NCKAP5: variants seen among roughly 807,000 people sequenced by gnomAD.
NCKAP5 encodes NCK associated protein 5.
In NCKAP5, 92 loss-of-function variants were observed where a neutral mutation model predicts 167.0. The observed-to-expected ratio is 0.55, with a 90% confidence interval of 0.47 to 0.66. The LOEUF (loss-of-function observed/expected upper bound fraction) is 0.66. NCKAP5 is among the 30% of genes least tolerant of loss of function. The probability of loss-of-function intolerance (pLI) is 0.00; values close to 1 mark genes in which losing one functional copy is unlikely to be tolerated. For missense variants in NCKAP5, 2,378 were observed against 2,315.0 expected (o/e 1.03, Z -0.56); for synonymous variants, 891 against 877.4 (o/e 1.02, Z -0.27).
chr2:133,636,584 A>G, the NCKAP5 span, among the ~76,000 whole-genome samples: 1 of 152,236 alleles, frequency 6.6e-6, no homozygotes, highest in Non-Finnish European at 1.5e-5. Context: ...TTCCAACATT[A>G]TAACTGATAA....
At chr2:132,717,069 T>C (rs1382281547) in intron 19 of NCKAP5, among the ~76,000 whole-genome samples, 2 of 152,144 alleles carry the variant, frequency 1.3e-5, no homozygotes, top group Admixed American at 1.3e-4. Flanking sequence ...GGATGAATAG[T>C]GACTAAGAGA....
intron 7 of NCKAP5, among the ~76,000 whole-genome samples, chr2:132,968,702 A>G (rs1377568260): frequency 1.3e-5 from 2 of 152,220 alleles, no homozygotes; most frequent in African/African-American, 4.8e-5. Flanking sequence ...GTTTGACTAA[A>G]GTGTGACAAT....
intron 3 of NCKAP5, among the ~76,000 whole-genome samples, chr2:133,334,404 A>C (rs1306033241): frequency 1.3e-5 from 2 of 152,154 alleles, no homozygotes; most frequent in East Asian, 3.8e-4. Flanking sequence ...TAGCTCGGGC[A>C]CTTTTATGTT....
chr2:133,035,731 G>GA (rs973708057), intron 6 of NCKAP5, among the ~76,000 whole-genome samples: 21 of 150,054 alleles, frequency 1.4e-4, no homozygotes, highest in Non-Finnish European at 2.8e-4. Context: ...TGTCTAAAAA[G>GA]AAAAAAAACT....
chr2:133,399,418 A>G (rs1687962330), intron 3 of NCKAP5, among the ~76,000 whole-genome samples: 1 of 152,044 alleles, frequency 6.6e-6, no homozygotes, highest in Non-Finnish European at 1.5e-5. Context: ...AACAGCTGTC[A>G]TTATAAAGTT....
intron 3 of NCKAP5, among the ~76,000 whole-genome samples, chr2:133,452,540 T>A (rs543166390): frequency 1.3e-5 from 2 of 152,330 alleles, no homozygotes; most frequent in East Asian, 3.9e-4. Flanking sequence ...GTGGCATAGA[T>A]GTAGGAAGGA....
rs920091 is a variant in NCKAP5 at position 133,362,034 on chromosome 2, A to G, written c.70-58924T>C. ...AATGAAAAAAAAAACAGTGTAAAAA[A>G]GTCTAGAGTATGCTGTGGCTTACAA... On this transcript the variant is annotated intron_variant, in intron 3 of 19. Transcript: ENST00000409261. Among the ~76,000 whole-genome samples the G allele has an allele frequency of 7.2e-5, 11 of 152,280 alleles. No individual in the cohort carries two copies. The East Asian group carries it at 1.5e-3, about 21-fold the overall frequency.
At chr2:133,543,240 G>A (rs1195415003) in intron 2 of NCKAP5, among the ~76,000 whole-genome samples, 1 of 152,040 alleles carries the variant, frequency 6.6e-6, no homozygotes, top group African/African-American at 2.4e-5. Flanking sequence ...CTCGCCATGT[G>A]ATATACCGGC....
the NCKAP5 span, among the ~76,000 whole-genome samples, chr2:133,580,170 G>A: frequency 6.6e-6 from 1 of 152,164 alleles, no homozygotes; most frequent in African/African-American, 2.4e-5. Flanking sequence ...TGAAGTTACT[G>A]CTATGCTGGG....
At chr2:132,993,758 A>T (rs781205249) in intron 7 of NCKAP5, among the ~76,000 whole-genome samples, 5 of 152,128 alleles carry the variant, frequency 3.3e-5, no homozygotes, top group Non-Finnish European at 7.4e-5. Flanking sequence ...CCCACCTTAA[A>T]TGTCACACCT....
intron 5 of NCKAP5, among the ~76,000 whole-genome samples, chr2:133,173,733 T>G (rs957199593): frequency 2.6e-5 from 4 of 152,238 alleles, no homozygotes; most frequent in African/African-American, 9.6e-5. Context: ...TTTTACTATT[T>G]TAACCATGGT....
chr2:133,563,102 C>T (rs1419748198), intron 1 of NCKAP5, among the ~76,000 whole-genome samples: 1 of 152,152 alleles, frequency 6.6e-6, no homozygotes, highest in East Asian at 1.9e-4. Context: ...CTACCATTTC[C>T]TTAGGTTACC....
chr2:132,769,070 G>A (rs1447979039), intron 16 of NCKAP5, among the ~76,000 whole-genome samples: 4 of 151,036 alleles, frequency 2.6e-5, no homozygotes, highest in East Asian at 3.9e-4. Flanking sequence ...TCAGCATCCC[G>A]AGTAGCTGGG....
chr2:133,423,889 G>A (rs1574931157), intron 3 of NCKAP5, among the ~76,000 whole-genome samples: 1 of 152,126 alleles, frequency 6.6e-6, no homozygotes, highest in South Asian at 2.1e-4. Flanking sequence ...AGAAAGGGAA[G>A]GTTTTTGTTT....
intron 3 of NCKAP5, among the ~76,000 whole-genome samples, chr2:133,491,708 G>T (rs1213803540): frequency 1.3e-5 from 2 of 152,162 alleles, no homozygotes; most frequent in Admixed American, 1.3e-4. Flanking sequence ...CAGCTTTTCT[G>T]CTAAGGAGAT....
chr2:133,170,297 G>C (rs1203472455), intron 5 of NCKAP5, among the ~76,000 whole-genome samples: 1 of 152,146 alleles, frequency 6.6e-6, no homozygotes, highest in African/African-American at 2.4e-5. Context: ...CTTCCTAGCT[G>C]TGGGACCTGG....
chr2:132,896,403 C>T (rs1483255850), intron 8 of NCKAP5, among the ~76,000 whole-genome samples: 1 of 152,160 alleles, frequency 6.6e-6, no homozygotes, highest in Non-Finnish European at 1.5e-5. Flanking sequence ...ACCCTTGTTC[C>T]TCTCCTTCTA....
At chr2:133,138,868 C>A (rs2082894438) in intron 5 of NCKAP5, among the ~76,000 whole-genome samples, 1 of 152,192 alleles carries the variant, frequency 6.6e-6, no homozygotes, top group African/African-American at 2.4e-5. Flanking sequence ...ACACAGCCTG[C>A]TTGACTGGCC....
chr2:132,922,139 T>C (rs1282252784), intron 8 of NCKAP5, among the ~76,000 whole-genome samples: 1 of 152,174 alleles, frequency 6.6e-6, no homozygotes, highest in African/African-American at 2.4e-5. Flanking sequence ...TCTGAGTAAA[T>C]ACACTGCCAG....
Sources: gnomAD v4.1 joint callset for allele counts (sites outside exome capture counted in the v4.1 genomes callset) on GRCh38, gnomAD v4.1.1 for gene constraint, MANE v1.5 for transcripts, NCBI Gene and HGNC (gene_info 2026-07-23, HGNC 2026-07-21) for gene names.